The following TBC1D5 variants were observed in gnomAD, a reference collection of about 807,000 sequenced individuals.
TBC1D5 encodes TBC1 domain family, member 5.
A neutral mutation model predicts 100.3 loss-of-function variants in TBC1D5; 75 were observed. That is an observed-to-expected ratio of 0.75 (90% CI 0.62 to 0.91). TBC1D5 has a LOEUF of 0.91. Among genes scored for constraint, TBC1D5 ranks in the 40% least tolerant of loss-of-function variants. The pLI is 0.00. For missense variants in TBC1D5, 910 were observed against 942.4 expected (o/e 0.97, Z 0.45); for synonymous variants, 323 against 325.6 (o/e 0.99, Z 0.09).
At chr3:17,494,757 T>TGGAGCTGCA (rs1170636099) in intron 3 of TBC1D5, among the ~76,000 whole-genome samples, 2 of 152,098 alleles carry the variant, frequency 1.3e-5, no homozygotes, top group Admixed American at 1.3e-4. Flanking sequence ...AACCGCTGAC[T>TGGAGCTGCA]GGAGCTGCAG....
rs561750631 is a variant in TBC1D5 at position 17,467,881 on chromosome 3, G to A, written c.98-39362C>T. Among the ~76,000 whole-genome samples the A allele has an allele frequency of 1.2e-4, 18 of 152,210 alleles. No homozygotes were observed. In the South Asian group the frequency reaches 3.3e-3, roughly 28 times the overall value. The stretch of plus-strand genomic sequence containing the variant: ...CACTGTACTGCAGTCTAGGAAACGG[G>A]AGTTCCCTAGTTACCATGACAACTC... On this transcript the variant is annotated intron_variant, in intron 3 of 21. Transcript: ENST00000253692.
chr3:17,256,833 G>A (rs1226614993), intron 16 of TBC1D5, among the ~76,000 whole-genome samples: 1 of 152,166 alleles, frequency 6.6e-6, no homozygotes, highest in East Asian at 1.9e-4. Flanking sequence ...AAGACAGGCA[G>A]GAGGTTAAGA....
At chr3:17,387,141 T>C (rs2093183703) in intron 8 of TBC1D5, among the ~76,000 whole-genome samples, 1 of 152,074 alleles carries the variant, frequency 6.6e-6, no homozygotes, top group Non-Finnish European at 1.5e-5. Context: ...GGTAGAAAGA[T>C]AGAGAAAAGC....
rs140988557 is a variant in TBC1D5, at chr3:17,303,833, C to CTTT, written c.1138+4156_1138+4158dup. Among the ~76,000 whole-genome samples, 86 of 84,518 alleles carry CTTT rather than the reference C, an allele frequency of 1.0e-3. 8 individuals carry two copies. The highest frequency in any genetic ancestry group is 1.7e-3 in the East Asian group (5 of 2,994). The allele number at this position is 84,518 out of a possible 152,430, so 55.4% of individuals were successfully genotyped here. Reference sequence around the variant, plus strand: ...TGGAAGCCTGGATCACAATCTACCTCTTTTTTTTTTTTTTTTTTTTTTTTT... The same window carrying CTTT: ...TGGAAGCCTGGATCACAATCTACCTCTTTTTTTTTTTTTTTTTTTTTTTTTTTT... On this transcript the variant is annotated intron_variant, in intron 14 of 21. Transcript: ENST00000253692.
At chr3:17,279,439 G>A (rs2733479) in intron 15 of TBC1D5, among the ~76,000 whole-genome samples, 4 of 152,102 alleles carry the variant, frequency 2.6e-5, no homozygotes, top group Admixed American at 6.5e-5. Flanking sequence ...AGAGGTGATC[G>A]CTCATGACTG....
At chr3:17,616,269 A>G (rs1340647296) in intron 2 of TBC1D5, among the ~76,000 whole-genome samples, 1 of 152,040 alleles carries the variant, frequency 6.6e-6, no homozygotes. Flanking sequence ...GTTGTGATTT[A>G]TGTTCTTTTA....
At chr3:17,501,083 C>T (rs993721084) in intron 3 of TBC1D5, among the ~76,000 whole-genome samples, 1 of 149,586 alleles carries the variant, frequency 6.7e-6, no homozygotes, top group African/African-American at 2.5e-5. Flanking sequence ...TTCCAGGTCA[C>T]TCTCCTATTT....
At chr3:17,607,404 T>C (rs184013805) in intron 2 of TBC1D5, among the ~76,000 whole-genome samples, 4 of 152,278 alleles carry the variant, frequency 2.6e-5, no homozygotes, top group African/African-American at 4.8e-5. Flanking sequence ...CAACATAAAT[T>C]TGAATCCAAA....
intron 13 of TBC1D5, among the ~76,000 whole-genome samples, chr3:17,363,842 C>T (rs2091916644): frequency 3.3e-5 from 5 of 151,780 alleles, no homozygotes; most frequent in Admixed American, 2.0e-4. Flanking sequence ...AAATTTAGGA[C>T]TCTATATATA....
chr3:17,224,966 A>C (rs186531350), intron 17 of TBC1D5, among the ~76,000 whole-genome samples: 1 of 152,266 alleles, frequency 6.6e-6, no homozygotes, highest in African/African-American at 2.4e-5. Context: ...GTTTCTCCTC[A>C]ATTATAAAAA....
chr3:17,738,092 T>C (rs187470099), intron 1 of TBC1D5, among the ~76,000 whole-genome samples: 19 of 152,350 alleles, frequency 1.2e-4, no homozygotes, highest in Admixed American at 7.8e-4. Flanking sequence ...CATGTTTTTT[T>C]CTACAGCCCT....
intron 2 of TBC1D5, among the ~76,000 whole-genome samples, chr3:17,531,812 T>C (rs1248910705): frequency 2.0e-5 from 3 of 152,212 alleles, no homozygotes; most frequent in Non-Finnish European, 4.4e-5. Context: ...ATCCCTTCCT[T>C]ACACTTTATA....
At chr3:17,508,861 CAATA>C (rs1278941619) in intron 2 of TBC1D5, among the ~76,000 whole-genome samples, 1 of 152,022 alleles carries the variant, frequency 6.6e-6, no homozygotes, top group African/African-American at 2.4e-5. Context: ...TATTTATTTT[CAATA>C]AATAAGCTAA....
chr3:17,604,855 T>C (rs2061237294), intron 2 of TBC1D5, among the ~76,000 whole-genome samples: 1 of 152,098 alleles, frequency 6.6e-6, no homozygotes, highest in African/African-American at 2.4e-5. Context: ...TTGGTATTTT[T>C]AGTAGAGACA....
At chr3:17,463,443 AG>A (rs368188759) in intron 3 of TBC1D5, among the ~76,000 whole-genome samples, 6 of 152,320 alleles carry the variant, frequency 3.9e-5, no homozygotes, top group African/African-American at 1.4e-4. Flanking sequence ...GCAAGTCAGT[AG>A]TCAACCTGGG....
At chr3:17,498,935 G>A (rs892073370) in intron 3 of TBC1D5, among the ~76,000 whole-genome samples, 1 of 152,152 alleles carries the variant, frequency 6.6e-6, no homozygotes, top group Non-Finnish European at 1.5e-5. Context: ...AGCAAAGTAA[G>A]GGGATAATTT....
intron 17 of TBC1D5, among the ~76,000 whole-genome samples, chr3:17,235,101 C>G (rs1449556054): frequency 6.6e-6 from 1 of 152,122 alleles, no homozygotes; most frequent in Non-Finnish European, 1.5e-5. Flanking sequence ...TTCTAGATCA[C>G]TTATTAATGT....
At chr3:17,157,888 A>T (rs1020689661) in exon 22 of TBC1D5, 2 of 151,488 alleles carry the variant, frequency 1.3e-5, no homozygotes, top group Non-Finnish European at 2.9e-5. Flanking sequence ...CTTCCTTAGC[A>T]ACCCCAGGGC....
intron 1 of TBC1D5, among the ~76,000 whole-genome samples, chr3:17,706,690 T>C (rs976143225): frequency 3.9e-5 from 6 of 152,126 alleles, no homozygotes; most frequent in Non-Finnish European, 7.4e-5. Context: ...TTATGACTTA[T>C]ATAATTAGAA....
Sources: gnomAD v4.1 joint callset for allele counts (sites outside exome capture counted in the v4.1 genomes callset) on GRCh38, gnomAD v4.1.1 for gene constraint, MANE v1.5 for transcripts, NCBI Gene and HGNC (gene_info 2026-07-23, HGNC 2026-07-21) for gene names.